Variants in SLC2A13 observed in about 807,000 individuals in gnomAD.
The protein encoded by SLC2A13 is proton myo-inositol cotransporter.
Under a neutral mutation model 64.4 loss-of-function variants are expected in SLC2A13, and 32 were observed. The ratio of observed to expected loss-of-function variants is 0.50; its 90% confidence interval spans 0.37 to 0.67. SLC2A13 has a LOEUF of 0.67. Among genes scored for constraint, SLC2A13 ranks in the 30% least tolerant of loss-of-function variants. The pLI is 0.00. For synonymous variants in SLC2A13, 338 were observed against 327.1 expected (o/e 1.03, Z -0.36); for missense variants, 743 against 829.2 (o/e 0.90, Z 1.28).
chr12:39,793,723 T>G (rs187305857), intron 7 of SLC2A13, among the ~76,000 whole-genome samples: 82 of 152,244 alleles, frequency 5.4e-4, no homozygotes, highest in Admixed American at 4.3e-3. Flanking sequence ...CTCTGAACAA[T>G]TCTCCAGATT....
chr12:40,042,103 G>A (rs943091460), intron 2 of SLC2A13, among the ~76,000 whole-genome samples: 2 of 152,058 alleles, frequency 1.3e-5, no homozygotes, highest in African/African-American at 4.8e-5. Flanking sequence ...GAGGTTCCCA[G>A]GACTAATATT....
chr12:40,039,335 C>G (rs146623442), intron 2 of SLC2A13, among the ~76,000 whole-genome samples: 1 of 152,122 alleles, frequency 6.6e-6, no homozygotes, highest in African/African-American at 2.4e-5. Context: ...AAGTGTGTCT[C>G]TTTAGACAAT....
chr12:39,998,512 T>C (rs7954875), intron 3 of SLC2A13, among the ~76,000 whole-genome samples: 80,356 of 152,028 alleles, frequency 0.53, 21,626 homozygotes, highest in African/African-American at 0.57. Flanking sequence ...GAGATCATTT[T>C]GGAGCTTTAA....
intron 4 of SLC2A13, among the ~76,000 whole-genome samples, chr12:39,899,183 T>G (rs1451695852): frequency 1.3e-5 from 2 of 152,308 alleles, no homozygotes; most frequent in East Asian, 1.9e-4. Context: ...TATTCAGAGA[T>G]TGAACTTCTT....
chr12:39,991,602 C>T (rs1038411135), intron 3 of SLC2A13, among the ~76,000 whole-genome samples: 1 of 152,180 alleles, frequency 6.6e-6, no homozygotes, highest in Admixed American at 6.5e-5. Context: ...CATGGGTGCT[C>T]TCTTTAGAAT....
rs71075095 is a variant in SLC2A13, at chr12:39,895,616, A to ATATACGTATACATATATGTATATGCGTG, written c.1035-23656_1035-23655insCACGCATATACATATATGTATACGTATA. On this transcript the variant is annotated intron_variant, in intron 4 of 9. Transcript: ENST00000280871. ...TATGTGTATATACGTATATACACAT[A>ATATACGTATACATATATGTATATGCGTG]TATACGTACACACATATGTATATGC... Among the ~76,000 whole-genome samples the ATATACGTATACATATATGTATATGCGTG allele has an allele frequency of 1.3e-4, 9 of 69,614 alleles. 2 individuals carry two copies. Among genetic ancestry groups the ATATACGTATACATATATGTATATGCGTG allele is most frequent in the Non-Finnish European group, 2.3e-4 (7 of 30,518 alleles). 45.7% of individuals were successfully genotyped at this position (69,614 alleles called of 152,430 possible).
intron 1 of SLC2A13, among the ~76,000 whole-genome samples, chr12:40,094,658 A>G (rs549561159): frequency 6.6e-6 from 1 of 152,366 alleles, no homozygotes; most frequent in South Asian, 2.1e-4. Context: ...GGTTCAGAAA[A>G]AAAGGGAAGA....
intron 2 of SLC2A13, among the ~76,000 whole-genome samples, chr12:40,038,730 CAA>C (rs34951191): frequency 1.3e-4 from 14 of 107,286 alleles, no homozygotes; most frequent in Admixed American, 2.0e-4. Flanking sequence ...GACCCTGTCT[CAA>C]AAAAAAAAAA....
chr12:40,096,303 T>G (rs1938941464), intron 1 of SLC2A13, among the ~76,000 whole-genome samples: 1 of 151,862 alleles, frequency 6.6e-6, no homozygotes, highest in Non-Finnish European at 1.5e-5. Flanking sequence ...AGTAACAAGG[T>G]TTAACACTTT....
At chr12:39,781,602 G>C (rs1940986764) in intron 7 of SLC2A13, among the ~76,000 whole-genome samples, 1 of 152,202 alleles carries the variant, frequency 6.6e-6, no homozygotes, top group South Asian at 2.1e-4. Context: ...TGTAAGGAGA[G>C]AATGAATAAG....
At position 39,759,983 on chromosome 12, in the gene SLC2A13, C is replaced by T; in HGVS notation, c.*43G>A. Reference sequence around the variant, plus strand: ...GAAGTCACCAATTGCTGTTCTTCTCCCCCCAGTTTGTTTAAATAACTAAAT... The same window carrying T: ...GAAGTCACCAATTGCTGTTCTTCTCTCCCCAGTTTGTTTAAATAACTAAAT... On this transcript the variant is annotated 3_prime_UTR_variant, in exon 10 of 10. Transcript: ENST00000280871. 1.3e-6 allele frequency: 2 copies of T among 1,487,182 alleles called. No homozygotes were observed. Among genetic ancestry groups the T allele is most frequent in the Middle Eastern group, 1.7e-4 (1 of 5,764 alleles). The allele number at this position is 1,487,182 out of a possible 1,614,324, so 92.1% of individuals were successfully genotyped here.
intron 1 of SLC2A13, among the ~76,000 whole-genome samples, chr12:40,089,277 G>A (rs1336653964): frequency 6.6e-6 from 1 of 152,158 alleles, no homozygotes; most frequent in African/African-American, 2.4e-5. Context: ...AAGTGAATTT[G>A]ATAATGTAAA....
chr12:40,054,014 G>C (rs1565606905), intron 1 of SLC2A13, among the ~76,000 whole-genome samples: 2 of 152,154 alleles, frequency 1.3e-5, no homozygotes, highest in Non-Finnish European at 2.9e-5. Context: ...GGATGGTTAA[G>C]TAAAACTACT....
intron 4 of SLC2A13, among the ~76,000 whole-genome samples, chr12:39,896,786 G>T (rs1036166113): frequency 2.0e-5 from 3 of 151,996 alleles, no homozygotes; most frequent in Non-Finnish European, 2.9e-5. Flanking sequence ...GGTTATAAAA[G>T]TTGCATATAT....
At chr12:40,047,686 TGTTA>T (rs1228375142) in intron 2 of SLC2A13, among the ~76,000 whole-genome samples, 9 of 152,208 alleles carry the variant, frequency 5.9e-5, no homozygotes, top group African/African-American at 2.2e-4. Flanking sequence ...GCAAAAAGGA[TGTTA>T]GTTATATCTG....
At chr12:40,008,265 T>C (rs1947459153) in intron 3 of SLC2A13, among the ~76,000 whole-genome samples, 1 of 152,064 alleles carries the variant, frequency 6.6e-6, no homozygotes, top group African/African-American at 2.4e-5. Flanking sequence ...AGCAGGGTGG[T>C]GGTGATGACA....
intron 7 of SLC2A13, among the ~76,000 whole-genome samples, chr12:39,804,694 G>A (rs1304966989): frequency 6.6e-6 from 1 of 152,116 alleles, no homozygotes; most frequent in Non-Finnish European, 1.5e-5. Context: ...TAAACAGAAC[G>A]TCTGTCCTCT....
chr12:39,840,356 C>T (rs769437725), intron 6 of SLC2A13, among the ~76,000 whole-genome samples: 58 of 152,180 alleles, frequency 3.8e-4, no homozygotes, highest in South Asian at 1.2e-3. Flanking sequence ...CCACTCTCTA[C>T]ACTGCCTCAA....
chr12:40,093,671 C>T (rs1938839685), intron 1 of SLC2A13, among the ~76,000 whole-genome samples: 1 of 150,834 alleles, frequency 6.6e-6, no homozygotes, highest in Non-Finnish European at 1.5e-5. Context: ...GGAAAGAGTG[C>T]TCCAGGAATC....
Sources: allele counts gnomAD v4.1 joint callset (sites outside exome capture counted in the v4.1 genomes callset), GRCh38; gene constraint gnomAD v4.1.1; transcripts MANE v1.5; gene names NCBI Gene and HGNC (gene_info 2026-07-23, HGNC 2026-07-21).